DST: variants seen among roughly 807,000 people sequenced by gnomAD.
DST encodes the protein dystonin.
A neutral mutation model predicts 875.2 loss-of-function variants in DST; 253 were observed. That is an observed-to-expected ratio of 0.29 (90% CI 0.26 to 0.32). DST has a LOEUF of 0.32. DST is among the 10% of genes least tolerant of loss of function. The probability of loss-of-function intolerance (pLI) is 1.00; values close to 1 mark genes in which losing one functional copy is unlikely to be tolerated. For synonymous variants in DST, 3,124 were observed against 3,197.1 expected (o/e 0.98, Z 0.77); for missense variants, 8,287 against 9,111.6 (o/e 0.91, Z 3.68).
intron 4 of DST, among the ~76,000 whole-genome samples, chr6:56,838,287 T>A (rs763369621): frequency 6.6e-6 from 1 of 152,220 alleles, no homozygotes. Flanking sequence ...AGATATTCCA[T>A]CTTGTTATCA....
In DST at chr6:56,572,887, T is replaced by C. The variant is rs2097797897; in HGVS notation, c.13414A>G (p.Met4472Val). ...TCTACTTTGGTTTTTAGCTCCTCCA[T>C]TTTGGCAAGAGTTTCTTTGTGTTTA... ...SHKHKETLAK[M>V]EELKTKVELF... The change falls in exon 52 of 104, where the codon ATG becomes GTG. Residue 4472 changes from methionine (M) to valine (V), a missense_variant. This residue lies in a region of DST where 1,513 missense variants were observed against 1,677.8 expected (regional missense o/e 0.90). Transcript: ENST00000680361. The C allele has an allele frequency of 6.2e-7, 1 of 1,613,364 alleles. No individual in the cohort carries two copies. The highest frequency in any genetic ancestry group is 1.3e-5 in the African/African-American group (1 of 74,930).
intron 2 of DST, among the ~76,000 whole-genome samples, chr6:56,932,358 G>GA (rs901880025): frequency 1.3e-5 from 2 of 152,044 alleles, no homozygotes; most frequent in Admixed American, 6.6e-5. Context: ...TTTTCTTCCA[G>GA]AAAAAGTCTT....
In DST at chr6:56,608,975, G is replaced by T. The variant is rs1035138433; in HGVS notation, c.5653C>A (p.Pro1885Thr). ...ILLSTGSLVI[P>T]ATGEQLTLQK... The stretch of plus-strand genomic sequence containing the variant: ...AGGGTCAACTGTTCTCCTGTGGCTG[G>T]AATAACCAGAGAGCCTGTAGAAAGC... Residue 1885 changes from proline (P) to threonine (T), a missense_variant, in exon 40 of 104, where the codon CCA becomes ACA. Transcript: ENST00000680361. The T allele has an allele frequency of 1.2e-6, 2 of 1,613,822 alleles. No homozygotes were observed. Among genetic ancestry groups the T allele is most frequent in the Non-Finnish European group, 1.7e-6 (2 of 1,179,804 alleles).
intron 69 of DST, among the ~76,000 whole-genome samples, chr6:56,525,561 C>T (rs952278620): frequency 2.0e-5 from 3 of 152,174 alleles, no homozygotes; most frequent in African/African-American, 7.2e-5. Context: ...ATGCCTCTTG[C>T]TTTTGGCTCA....
rs1350871111 is a variant in DST at position 56,624,750 on chromosome 6, A to G, written c.4831-122T>C. The G allele has an allele frequency of 5.7e-6, 4 of 700,110 alleles. No individual in the cohort carries two copies. In the African/African-American group the frequency reaches 7.1e-5, roughly 12 times the overall value. 43.4% of individuals were successfully genotyped at this position (700,110 alleles called of 1,614,324 possible). ...GACAGCAAAGCACACAACTCCCCCC[A>G]TAATAAATGATAAGAATGAGCTTAT... On this transcript the variant is annotated intron_variant, in intron 35 of 103. Transcript: ENST00000680361.
intron 4 of DST, chr6:56,843,103 C>T: frequency 6.4e-7 from 1 of 1,571,622 alleles, no homozygotes; most frequent in Non-Finnish European, 8.7e-7. Flanking sequence ...TACTCCTGCT[C>T]CTCCACGTAC....
intron 10 of DST, among the ~76,000 whole-genome samples, chr6:56,670,146 G>A (rs1363263888): frequency 6.6e-6 from 1 of 150,680 alleles, no homozygotes; most frequent in Non-Finnish European, 1.5e-5. Flanking sequence ...GTGTGTGTGT[G>A]TGTGTGTGTG....
At chr6:56,945,016 C>T (rs1818722168) in intron 2 of DST, among the ~76,000 whole-genome samples, 1 of 152,144 alleles carries the variant, frequency 6.6e-6, no homozygotes, top group Non-Finnish European at 1.5e-5. Context: ...AAGAGAATGA[C>T]AAGATTATCC....
At chr6:56,881,397 C>T (rs532360239) in intron 3 of DST, among the ~76,000 whole-genome samples, 83 of 152,038 alleles carry the variant, frequency 5.5e-4, no homozygotes, top group African/African-American at 1.9e-3. Context: ...CACTTGAACC[C>T]GGGAGACAGA....
At position 56,482,796 on chromosome 6, in the gene DST, G is replaced by A. The variant is rs752231990; in HGVS notation, c.21289C>T (p.Arg7097Trp). ...ACCTTGACCCAGGAGGAGTCATCCC[G>A]ACTGCCTTCTATGAGTTCTCGGGCT... ...RSARELIEGS[R>W]DDSSWVKVQM... is the part of the protein sequence containing the mutation. The change falls in exon 89 of 104, where the codon CGG (arginine) becomes TGG (tryptophan). Residue 7097 changes from arginine to tryptophan, a missense_variant. Arg to Trp is a moderately radical substitution (Grantham distance 101). Coordinates refer to ENST00000680361, the MANE Select transcript of DST (RefSeq NM_001374736.1). 6 of 1,613,624 alleles carry A rather than the reference G, an allele frequency of 3.7e-6. No individual in the cohort carries two copies. The highest frequency in any genetic ancestry group is 1.1e-5 in the South Asian group (1 of 90,990).
intron 61 of DST, among the ~76,000 whole-genome samples, chr6:56,547,069 A>G (rs1404934185): frequency 2.0e-5 from 3 of 152,224 alleles, no homozygotes; most frequent in Admixed American, 1.3e-4. Context: ...TCTGTGACAT[A>G]AAGGGCCGTA....
intron 61 of DST, among the ~76,000 whole-genome samples, chr6:56,551,060 T>C (rs1317887527): frequency 2.0e-5 from 3 of 152,216 alleles, no homozygotes; most frequent in Non-Finnish European, 4.4e-5. Flanking sequence ...TTTGTGAGCC[T>C]TGAAGGAACT....
intron 3 of DST, among the ~76,000 whole-genome samples, chr6:56,870,442 A>T (rs575714735): frequency 1.3e-5 from 2 of 148,602 alleles, no homozygotes; most frequent in South Asian, 4.2e-4. Context: ...AAAAAAAAAA[A>T]AAAAAAAAAA....
At chr6:56,725,301 C>T (rs1382135012) in intron 5 of DST, among the ~76,000 whole-genome samples, 1 of 152,172 alleles carries the variant, frequency 6.6e-6, no homozygotes, top group Non-Finnish European at 1.5e-5. Context: ...AGCTTACTAC[C>T]CTGTTGACCT....
At chr6:56,768,445 G>A (rs1007163285) in intron 4 of DST, among the ~76,000 whole-genome samples, 1 of 152,148 alleles carries the variant, frequency 6.6e-6, no homozygotes, top group Non-Finnish European at 1.5e-5. Context: ...ACAGAGAATG[G>A]ATAATCTTTT....
At chr6:56,657,936 T>C (rs950721186) in intron 10 of DST, among the ~76,000 whole-genome samples, 1 of 151,930 alleles carries the variant, frequency 6.6e-6, no homozygotes, top group Non-Finnish European at 1.5e-5. Context: ...CAGCTAATTT[T>C]TGTATTTTTA....
chr6:56,599,740 T>A (rs568274828), intron 45 of DST, among the ~76,000 whole-genome samples: 1 of 152,222 alleles, frequency 6.6e-6, no homozygotes, highest in East Asian at 1.9e-4. Context: ...GGCTATTTCC[T>A]CTGATTTGCA....
intron 69 of DST, among the ~76,000 whole-genome samples, chr6:56,520,062 GA>G (rs765077943): frequency 3.9e-5 from 6 of 152,000 alleles, no homozygotes; most frequent in Non-Finnish European, 7.4e-5. Flanking sequence ...ACAGTATAAA[GA>G]AGAACCAAAT....
intron 2 of DST, among the ~76,000 whole-genome samples, chr6:56,948,314 C>A (rs1265426316): frequency 6.6e-6 from 1 of 152,154 alleles, no homozygotes; most frequent in African/African-American, 2.4e-5. Context: ...GAATTGCCAG[C>A]ATCACTACTC....
Sources: allele counts gnomAD v4.1 joint callset (sites outside exome capture counted in the v4.1 genomes callset), GRCh38; gene constraint gnomAD v4.1.1; regional missense constraint gnomAD v4.1.1; transcripts MANE v1.5; gene names NCBI Gene and HGNC (gene_info 2026-07-23, HGNC 2026-07-21).